IL31RA: variants seen among roughly 807,000 people sequenced by gnomAD.
The protein encoded by IL31RA is interleukin-31 receptor subunit alpha.
IL31RA carries 66 observed loss-of-function variants against 83.7 expected under a neutral mutation model. The observed-to-expected ratio is 0.79, with a 90% CI of 0.65 to 0.97. The LOEUF is 0.97. IL31RA is among the 50% of genes least tolerant of loss of function. IL31RA has a pLI of 0.00. For missense variants in IL31RA, 798 were observed against 919.4 expected (o/e 0.87, Z 1.71); for synonymous variants, 325 against 329.0 (o/e 0.99, Z 0.13).
upstream of IL31RA, among the ~76,000 whole-genome samples, chr5:55,846,992 C>A (rs1033719721): frequency 1.3e-5 from 2 of 151,738 alleles, no homozygotes; most frequent in Admixed American, 1.3e-4. Context: ...CACCTGTAAT[C>A]CCAGCACTTT....
At position 55,922,549 on chromosome 5, in the gene IL31RA, C is replaced by A; in HGVS notation, c.*5429C>A. On this transcript the variant is annotated 3_prime_UTR_variant, in exon 15 of 15. Coordinates refer to ENST00000652347, the MANE Select transcript of IL31RA (RefSeq NM_139017.7). ...GCCCCAAGAGAACCATCTCTGAAGA[C>A]TGGGTATGTGGTCTTTTCCACACAT... 1.2e-6 allele frequency: 1 copy of A among 850,744 alleles called. No individual in the cohort carries two copies. Among genetic ancestry groups the A allele is most frequent in the Non-Finnish European group, 1.9e-6 (1 of 534,198 alleles). 52.7% of individuals were successfully genotyped at this position (850,744 alleles called of 1,614,324 possible).
the IL31RA span, among the ~76,000 whole-genome samples, chr5:55,844,672 G>T: frequency 1.3e-5 from 2 of 152,096 alleles, no homozygotes; most frequent in African/African-American, 4.8e-5. Flanking sequence ...ATTTGGGAAA[G>T]TCTCTGTTTT....
intron 6 of IL31RA, among the ~76,000 whole-genome samples, chr5:55,892,367 G>A (rs188578248): frequency 6.6e-6 from 1 of 152,326 alleles, no homozygotes; most frequent in East Asian, 1.9e-4. Flanking sequence ...CCAAGTTGCA[G>A]ACTGGTCTCA....
At chr5:55,914,727 C>A in intron 13 of IL31RA, 120 bp from the exon 14 acceptor site, 2 of 789,638 alleles carry the variant, frequency 2.5e-6, no homozygotes, top group Non-Finnish European at 4.5e-6. Flanking sequence ...GGCAGACATG[C>A]CCTTATTTAG....
chr5:55,900,187 G>A, intron 8 of IL31RA, 55 bp downstream of exon 8: 1 of 1,286,080 alleles, frequency 7.8e-7, no homozygotes, highest in East Asian at 2.3e-5. Flanking sequence ...ATTGGCCAAG[G>A]AGCAGTCCCT....
intron 2 of IL31RA, chr5:55,866,625 T>C (rs889834468): frequency 1.3e-5 from 2 of 152,280 alleles, no homozygotes; most frequent in African/African-American, 4.8e-5. Flanking sequence ...TAACAGGCCA[T>C]GGACCCGTAC....
chr5:55,902,364 G>A (rs551064924), intron 8 of IL31RA: 2 of 150,312 alleles, frequency 1.3e-5, no homozygotes, highest in Admixed American at 6.7e-5. Flanking sequence ...GATGGCTCAC[G>A]CCTGTAATCC....
intron 2 of IL31RA, among the ~76,000 whole-genome samples, chr5:55,867,198 T>TGC (rs1561543278): frequency 9.7e-5 from 2 of 20,720 alleles, no homozygotes; most frequent in Admixed American, 5.5e-4. Context: ...TTTGTGTGTG[T>TGC]TTGTGTGTGT....
At chr5:55,870,286 A>G (rs1173177029) in intron 3 of IL31RA, among the ~76,000 whole-genome samples, 1 of 152,216 alleles carries the variant, frequency 6.6e-6, no homozygotes, top group African/African-American at 2.4e-5. Flanking sequence ...TTATTTTTCA[A>G]CCATTAACAG....
chr5:55,912,592 T>TTTG (rs1749560076), intron 12 of IL31RA, among the ~76,000 whole-genome samples: 1 of 151,896 alleles, frequency 6.6e-6, no homozygotes, highest in East Asian at 1.9e-4. Flanking sequence ...AGGCCAGGAG[T>TTTG]TCAAGACCAG....
intron 11 of IL31RA, chr5:55,908,943 G>T (rs1251368867): frequency 1.9e-6 from 2 of 1,048,644 alleles, no homozygotes; most frequent in East Asian, 4.9e-5. Flanking sequence ...CAATTTAGTG[G>T]CATTAGAAGC....
At chr5:55,847,796 T>C (rs1245367043), upstream of IL31RA, among the ~76,000 whole-genome samples, 1 of 152,228 alleles carries the variant, frequency 6.6e-6, no homozygotes, top group Non-Finnish European at 1.5e-5. Flanking sequence ...CAATGCAAGC[T>C]ACCATATTAC....
intron 4 of IL31RA, among the ~76,000 whole-genome samples, chr5:55,881,311 A>G (rs939304317): frequency 6.6e-6 from 1 of 151,402 alleles, no homozygotes; most frequent in Non-Finnish European, 1.5e-5. Context: ...CAAAAAAAAA[A>G]AGAAAAAGAT....
rs368129323 is a variant in IL31RA, at chr5:55,914,475, A to G, written c.1737-372A>G. ...CACACTTGGAGAACCATTGCAGGAA[A>G]GTATGGGTAGCTTATAAGGTTTATA... On this transcript the variant is annotated intron_variant, in intron 13 of 14. Transcript: ENST00000652347. 2.6e-4 allele frequency among the ~76,000 whole-genome samples: 39 copies of G among 152,368 alleles called. No homozygotes were observed. In the Middle Eastern group the frequency reaches 0.014, roughly 53 times the overall value.
intron 1 of IL31RA, among the ~76,000 whole-genome samples, chr5:55,854,770 T>C (rs1392917415): frequency 1.3e-5 from 2 of 149,768 alleles, no homozygotes; most frequent in African/African-American, 2.5e-5. Context: ...AAATAAAATA[T>C]AAAATATGCA....
Position 55,920,569 on chromosome 5 carries a change from A to G in IL31RA, c.*3449A>G, listed in dbSNP as rs1297725508. ...AAAGGCAGAGTTGAGTAGTTTCAAC[A>G]CAGAGTTTTTCCCACAAAGCAGAAA... On this transcript the variant is annotated 3_prime_UTR_variant, in exon 15 of 15. Coordinates refer to ENST00000652347, the MANE Select transcript of IL31RA (RefSeq NM_139017.7). 6.6e-6 allele frequency among the ~76,000 whole-genome samples: 1 copy of G among 152,254 alleles called. No homozygotes were observed. Among genetic ancestry groups the G allele is most frequent in the East Asian group, 1.9e-4 (1 of 5,206 alleles).
chr5:55,877,720 T>C (rs557038995), intron 4 of IL31RA, among the ~76,000 whole-genome samples: 25 of 152,346 alleles, frequency 1.6e-4, no homozygotes, highest in African/African-American at 6.0e-4. Context: ...AGATCCATTG[T>C]ATGTGATGAG....
chr5:55,918,571 A>G lies in IL31RA; in HGVS notation c.*1451A>G, dbSNP rs1309366129. ...GAGTGCCGAGGATGTTCAATGGCGC[A>G]GCGTGCATGGGGCAGAGTTGGTCAC... On this transcript the variant is annotated 3_prime_UTR_variant, in exon 15 of 15. Transcript: ENST00000652347. 6.6e-6 allele frequency among the ~76,000 whole-genome samples: 1 copy of G among 152,108 alleles called. No homozygotes were observed. Among genetic ancestry groups the G allele is most frequent in the Non-Finnish European group, 1.5e-5 (1 of 68,024 alleles).
At chr5:55,897,400 G>A (rs1041413014) in intron 7 of IL31RA, among the ~76,000 whole-genome samples, 4 of 151,974 alleles carry the variant, frequency 2.6e-5, no homozygotes, top group Non-Finnish European at 4.4e-5. Flanking sequence ...GAAAGTGCAG[G>A]AGGCACCATG....
Sources: gnomAD v4.1 joint callset for allele counts (sites outside exome capture counted in the v4.1 genomes callset) on GRCh38, gnomAD v4.1.1 for gene constraint, MANE v1.5 for transcripts, NCBI Gene and HGNC (gene_info 2026-07-23, HGNC 2026-07-21) for gene names.